ZNF875: variants seen among roughly 807,000 people sequenced by gnomAD.
ZNF875 encodes the protein zinc finger protein 875.
A neutral mutation model predicts 11.2 loss-of-function variants in ZNF875; 14 were observed. The ratio of observed to expected loss-of-function variants is 1.26; its 90% CI spans 0.83 to 1.96. ZNF875 has a LOEUF of 1.96. Ranked by LOEUF, ZNF875 falls within the 30% of genes most tolerant of loss-of-function variation. ZNF875 has a pLI of 0.00. For synonymous variants in ZNF875, 301 were observed against 281.1 expected, an observed-to-expected ratio of 1.07 and a Z score of -0.71; for missense variants, 752 against 760.4, an observed-to-expected ratio of 0.99 and a Z score of 0.13.
chr19:37,342,243 C>T (rs182107932), intron 2 of ZNF875, among the ~76,000 whole-genome samples: 500 of 152,234 alleles, frequency 3.3e-3, no homozygotes, highest in Admixed American at 8.6e-3. Flanking sequence ...TATTTTGAGA[C>T]ATGTGCTGGC....
At chr19:37,321,076 A>G (rs145013004) in intron 1 of ZNF875, among the ~76,000 whole-genome samples, 1,737 of 152,306 alleles carry the variant, frequency 0.011, 18 homozygotes, top group Non-Finnish European at 0.017. Flanking sequence ...GACACAAAAC[A>G]CTGTGTAAGG....
At chr19:37,360,287 C>T (rs1435500829) in intron 4 of ZNF875, among the ~76,000 whole-genome samples, 1 of 152,222 alleles carries the variant, frequency 6.6e-6, no homozygotes, top group Non-Finnish European at 1.5e-5. Flanking sequence ...TCTCCATCTT[C>T]CTCCTATGAC....
intron 4 of ZNF875, chr19:37,359,677 C>T (rs1174395418): frequency 4.5e-6 from 1 of 222,034 alleles, no homozygotes; most frequent in Non-Finnish European, 9.1e-6. Flanking sequence ...GCTGGGATTA[C>T]AGGCATGAGC....
intron 2 of ZNF875, among the ~76,000 whole-genome samples, chr19:37,339,329 G>A (rs559093533): frequency 6.0e-4 from 91 of 152,066 alleles, no homozygotes; most frequent in Non-Finnish European, 1.2e-3. Flanking sequence ...AATTTCCATA[G>A]TAATCCATTG....
chr19:37,313,606 C>A (rs1318252537), upstream of ZNF875, among the ~76,000 whole-genome samples: 1 of 152,146 alleles, frequency 6.6e-6, no homozygotes. Flanking sequence ...AATCTACAGA[C>A]CCTCCCCTGT....
At chr19:37,338,591 A>C (rs1440319027) in intron 2 of ZNF875, among the ~76,000 whole-genome samples, 2 of 152,192 alleles carry the variant, frequency 1.3e-5, no homozygotes, top group African/African-American at 4.8e-5. Context: ...CTTGTTCTTC[A>C]ATGTAGCTTT....
At chr19:37,360,304 A>C (rs1291469421) in intron 4 of ZNF875, among the ~76,000 whole-genome samples, 3 of 152,216 alleles carry the variant, frequency 2.0e-5, no homozygotes, top group African/African-American at 7.2e-5. Context: ...TGACAGTAGC[A>C]CACTATCTTC....
At chr19:37,342,409 A>ATT (rs66638698) in intron 2 of ZNF875, among the ~76,000 whole-genome samples, 71 of 135,738 alleles carry the variant, frequency 5.2e-4, no homozygotes, top group East Asian at 1.1e-3. Context: ...ATCCAACTGA[A>ATT]TTTTTTTTTT....
intron 4 of ZNF875, among the ~76,000 whole-genome samples, chr19:37,360,705 AAACTGGCCTCT>A (rs1186293195): frequency 1.3e-5 from 2 of 151,886 alleles, no homozygotes; most frequent in Middle Eastern, 6.8e-3. Flanking sequence ...TATGTTGCCC[AAACTGGCCTCT>A]AACTTCTGGC....
chr19:37,338,296 T>G (rs1318040556), intron 2 of ZNF875, among the ~76,000 whole-genome samples: 1 of 152,178 alleles, frequency 6.6e-6, no homozygotes, highest in Non-Finnish European at 1.5e-5. Context: ...CTAATTTTTA[T>G]GTTTTTAGTA....
Position 37,362,578 on chromosome 19 carries a change from T to TA in ZNF875, c.727dup (p.Ser243LysfsTer16). On this transcript the variant is annotated frameshift_variant, in exon 5 of 5. Transcript: ENST00000392153. LOFTEE classifies it low-confidence loss of function (END_TRUNC). ...GCTTTATCAAGGAGTCAAACCTCCT[T>TA]AGCCTCCAGAAGACACAAACTGGGG... 1 of 1,614,138 alleles carries TA rather than the reference T, an allele frequency of 6.2e-7. No individual in the cohort carries two copies. The highest frequency in any genetic ancestry group is 8.5e-7 in the Non-Finnish European group (1 of 1,180,024).
upstream of ZNF875, chr19:37,313,433 A>G (rs1047407324): frequency 4.6e-5 from 7 of 152,270 alleles, no homozygotes; most frequent in African/African-American, 1.7e-4. Context: ...TCACCCTGAG[A>G]GATGACACCA....
At chr19:37,333,182 C>T (rs1200403938), upstream of ZNF875, among the ~76,000 whole-genome samples, 2 of 152,120 alleles carry the variant, frequency 1.3e-5, no homozygotes. Flanking sequence ...CCTTTGTACA[C>T]CTACATCTAA....
Position 37,363,743 on chromosome 19 carries a change from C to T in ZNF875, c.1891C>T (p.Leu631Phe). The change falls in exon 5 of 5, where the codon CTT becomes TTT. Residue 631 changes from leucine to phenylalanine, a missense_variant. Leu to Phe is a conservative substitution (Grantham distance 22). Coordinates refer to ENST00000392153, the MANE Select transcript of ZNF875 (RefSeq NM_001353803.2). Reference sequence around the variant, plus strand: ...ACGGGGCTTTAGTCGGAAGTCCAACCTTATCAGACATCAGAGGACACACTC... The same window carrying T: ...ACGGGGCTTTAGTCGGAAGTCCAACTTTATCAGACATCAGAGGACACACTC... The part of the protein sequence containing the change: ...CGRGFSRKSN[L>F]IRHQRTHSG The T allele has an allele frequency of 6.2e-7, 1 of 1,614,030 alleles. No individual in the cohort carries two copies. The highest frequency in any genetic ancestry group is 1.7e-5 in the Admixed American group (1 of 59,988).
chr19:37,352,874 C>CTTTTTTTTTTTTTTTTTTTTTTTTT lies in ZNF875; in HGVS notation c.256+5020_256+5021insTTTTTTTTTTTTTTTTTTTTTTTTT, dbSNP rs60469285. Among the ~76,000 whole-genome samples the CTTTTTTTTTTTTTTTTTTTTTTTTT allele has an allele frequency of 2.3e-5, 2 of 87,766 alleles. 1 individual carries two copies. The highest frequency in any genetic ancestry group is 4.6e-5 in the Non-Finnish European group (2 of 43,442). 57.6% of individuals were successfully genotyped at this position (87,766 alleles called of 152,430 possible). The stretch of plus-strand genomic sequence containing the variant: ...TAAAATACTTTTTAGATTCTTTTTT[C>CTTTTTTTTTTTTTTTTTTTTTTTTT]TTTTTTTTTTTTTTTTTTGAGACAT... On this transcript the variant is annotated intron_variant, in intron 4 of 4. Transcript: ENST00000392153.
chr19:37,362,247 G>A lies in ZNF875; in HGVS notation c.395G>A (p.Gly132Glu). The A allele has an allele frequency of 6.2e-7, 1 of 1,614,116 alleles. No homozygotes were observed. The highest frequency in any genetic ancestry group is 8.5e-7 in the Non-Finnish European group (1 of 1,180,022). The change falls in exon 5 of 5, where the codon GGA becomes GAA. Residue 132 changes from glycine to glutamate, a missense_variant. Transcript: ENST00000392153. The part of the protein sequence containing the change: ...SLWAGNPLHL[G>E]KHYPEDQKQQ... ...TGGGCAGGAAATCCTCTCCACCTGG[G>A]AAAACACTATCCAGAAGATCAGAAA...
intron 4 of ZNF875, among the ~76,000 whole-genome samples, chr19:37,325,262 T>C (rs2032226047): frequency 6.6e-6 from 1 of 152,168 alleles, no homozygotes; most frequent in African/African-American, 2.4e-5. Context: ...GTTCCCGCTG[T>C]CAGCACCCGA....
At chr19:37,345,557 G>A (rs1185292393) in intron 2 of ZNF875, among the ~76,000 whole-genome samples, 2 of 152,166 alleles carry the variant, frequency 1.3e-5, no homozygotes, top group African/African-American at 2.4e-5. Flanking sequence ...AATGAATGAC[G>A]CTGGTGAGGC....
At chr19:37,353,499 G>A (rs1290138369) in intron 4 of ZNF875, among the ~76,000 whole-genome samples, 3 of 152,138 alleles carry the variant, frequency 2.0e-5, no homozygotes, top group African/African-American at 4.8e-5. Flanking sequence ...CTTTATATCT[G>A]TCACATTTCT....
Sources: gnomAD v4.1 joint callset for allele counts (sites outside exome capture counted in the v4.1 genomes callset) on GRCh38, gnomAD v4.1.1 for gene constraint, MANE v1.5 for transcripts, NCBI Gene and HGNC (gene_info 2026-07-23, HGNC 2026-07-21) for gene names.